ZW10: variants seen among roughly 807,000 people sequenced by gnomAD.
ZW10 encodes centromere/kinetochore protein zw10 homolog.
ZW10 carries 53 observed loss-of-function variants against 87.8 expected under a neutral mutation model. That is an observed-to-expected ratio of 0.60 (90% CI 0.48 to 0.76). ZW10 has a LOEUF of 0.76. ZW10 is among the 30% of genes least tolerant of loss of function. ZW10 has a pLI of 0.00. For missense variants in ZW10, 837 were observed against 923.0 expected (o/e 0.91, Z 1.21); for synonymous variants, 312 against 329.2 (o/e 0.95, Z 0.57).
At chr11:113,773,421 C>A in intron 1 of ZW10, 141 bp downstream of exon 1, 1 of 662,622 alleles carries the variant, frequency 1.5e-6, no homozygotes, top group East Asian at 2.9e-5. Context: ...TCATTCAGCC[C>A]CCACAACTAG....
At chr11:113,773,058 T>C (rs936913029) in intron 1 of ZW10, among the ~76,000 whole-genome samples, 1 of 150,022 alleles carries the variant, frequency 6.7e-6, no homozygotes, top group African/African-American at 2.5e-5. Context: ...AGGAGAAAGG[T>C]GCAATCCTCC....
At chr11:113,757,983 C>A (rs1028561978) in intron 6 of ZW10, 130 bp from the exon 7 acceptor site, 2 of 625,934 alleles carry the variant, frequency 3.2e-6, no homozygotes, top group South Asian at 3.2e-5. Context: ...GCCAGCCTGG[C>A]CAACATGGTG....
chr11:113,760,688 C>T lies in ZW10; in HGVS notation c.343-98G>A, dbSNP rs918339667. 2.3e-5 allele frequency: 26 copies of T among 1,123,622 alleles called. No homozygotes were observed. In the African/African-American group the frequency reaches 4.2e-4, roughly 18 times the overall value. 69.6% of individuals were successfully genotyped at this position (1,123,622 alleles called of 1,614,324 possible). ...CTCCCACTTTCCCTCCCCCTCCCCCCTCTAAAAAAAAAAAAAGAAAGAAAA... is the reference window on the plus strand; with the variant it reads ...CTCCCACTTTCCCTCCCCCTCCCCCTTCTAAAAAAAAAAAAAGAAAGAAAA... On this transcript the variant is annotated intron_variant, in intron 3 of 15. Transcript: ENST00000200135.
At chr11:113,739,486 T>C (rs1021794152) in intron 11 of ZW10, 104 bp from the exon 12 acceptor site, 22 of 1,046,806 alleles carry the variant, frequency 2.1e-5, no homozygotes, top group Middle Eastern at 3.2e-4. Context: ...CTTTAATAAC[T>C]GTCTAGTTTC....
intron 7 of ZW10, among the ~76,000 whole-genome samples, chr11:113,754,454 C>T (rs1026252851): frequency 3.3e-5 from 5 of 152,100 alleles, no homozygotes; most frequent in Admixed American, 6.6e-5. Flanking sequence ...CACTATACTC[C>T]AGCCTGGGCA....
At chr11:113,765,470 G>A (rs753371928) in intron 2 of ZW10, among the ~76,000 whole-genome samples, 7 of 152,150 alleles carry the variant, frequency 4.6e-5, no homozygotes, top group Admixed American at 6.6e-5. Flanking sequence ...GAAAATAGAC[G>A]TGCCCCCTAC....
chr11:113,743,154 C>A (rs996501973), intron 10 of ZW10, among the ~76,000 whole-genome samples: 1 of 152,154 alleles, frequency 6.6e-6, no homozygotes, highest in African/African-American at 2.4e-5. Context: ...AACGTGAATG[C>A]AATATAGATT....
intron 2 of ZW10, among the ~76,000 whole-genome samples, chr11:113,763,784 A>G (rs573218891): frequency 6.6e-6 from 1 of 152,296 alleles, no homozygotes; most frequent in Admixed American, 6.5e-5. Context: ...GGTAGATTGC[A>G]AAAATTTTCT....
At position 113,740,996 on chromosome 11, in the gene ZW10, A is replaced by G. The variant is rs113094002; in HGVS notation, c.1583+698T>C. 8.0e-3 allele frequency among the ~76,000 whole-genome samples: 1,216 copies of G among 152,354 alleles called. 17 individuals are homozygous for G. Among genetic ancestry groups the G allele is most frequent in the African/African-American group, 0.028 (1,173 of 41,574 alleles). On this transcript the variant is annotated intron_variant, in intron 11 of 15. Coordinates refer to ENST00000200135, the MANE Select transcript of ZW10 (RefSeq NM_004724.4). The stretch of plus-strand genomic sequence containing the variant: ...ATAAGAATGTTAAACCACAGTAAAG[A>G]GAATACAAATAAAACTAATAAGGTT...
chr11:113,764,997 G>A (rs985420214), intron 2 of ZW10, among the ~76,000 whole-genome samples: 2 of 152,102 alleles, frequency 1.3e-5, no homozygotes, highest in Admixed American at 1.3e-4. Flanking sequence ...CTCAACCAGG[G>A]ACATCTGGCA....
chr11:113,747,251 A>G (rs1953687924), intron 9 of ZW10, among the ~76,000 whole-genome samples: 1 of 152,180 alleles, frequency 6.6e-6, no homozygotes, highest in Non-Finnish European at 1.5e-5. Context: ...AGAATAATCT[A>G]CTGTCTCACT....
At position 113,773,630 on chromosome 11, in the gene ZW10, C is replaced by G. The variant is rs753860129; in HGVS notation, c.37G>C (p.Gly13Arg). ...SFVTEVLAHSGRLEKEDLGTR... is the reference protein window; with the variant it reads ...SFVTEVLAHSRRLEKEDLGTR... ...CCCAGATCCTCCTTTTCCAGCCTCC[C>G]GGAGTGTGCCAAAACTTCTGTCACG... The change falls in exon 1 of 16, where the codon GGG (glycine) becomes CGG (arginine). Residue 13 changes from glycine to arginine, a missense_variant. Physicochemically the swap from Gly to Arg is moderately radical, Grantham distance 125 (BLOSUM62 -2). Coordinates refer to ENST00000200135, the MANE Select transcript of ZW10 (RefSeq NM_004724.4). 1.2e-6 allele frequency: 2 copies of G among 1,614,032 alleles called. No individual in the cohort carries two copies. The highest frequency in any genetic ancestry group is 2.2e-5 in the South Asian group (2 of 91,068).
chr11:113,743,869 ACTCACT>A lies in ZW10; in HGVS notation c.1438_1443del (p.Glu481_Ser482del). ...GCGAGTTCCATTAATTTCTTCACAGACTCACTGATACGGCATGTGGGCAAGGAAAAG... is the reference window on the plus strand; with the variant it reads ...GCGAGTTCCATTAATTTCTTCACAGAGATACGGCATGTGGGCAAGGAAAAG... On this transcript the variant is annotated inframe_deletion, in exon 10 of 16. Transcript: ENST00000200135. 6.2e-7 allele frequency: 1 copy of A among 1,614,026 alleles called. No individual in the cohort carries two copies. The highest frequency in any genetic ancestry group is 8.5e-7 in the Non-Finnish European group (1 of 1,180,022).
intron 7 of ZW10, chr11:113,751,416 A>C (rs1953733235): frequency 6.5e-6 from 1 of 153,878 alleles, no homozygotes; most frequent in African/African-American, 2.4e-5. Flanking sequence ...CACAGCCTAA[A>C]ATATCAATCT....
At chr11:113,746,321 C>T (rs1318181126) in intron 9 of ZW10, among the ~76,000 whole-genome samples, 3 of 151,982 alleles carry the variant, frequency 2.0e-5, no homozygotes, top group African/African-American at 7.3e-5. Context: ...AGATTAAGCC[C>T]AGAGTCACAG....
At chr11:113,736,011 C>G (rs1053763258) in intron 15 of ZW10, among the ~76,000 whole-genome samples, 1 of 152,034 alleles carries the variant, frequency 6.6e-6, no homozygotes, top group African/African-American at 2.4e-5. Flanking sequence ...TGCCTGTAAT[C>G]CTAGCACTTT....
intron 1 of ZW10, among the ~76,000 whole-genome samples, chr11:113,770,955 G>A (rs1410244756): frequency 1.3e-5 from 2 of 149,734 alleles, no homozygotes. Context: ...CTCAAGTCGG[G>A]GACTTGAGGA....
At chr11:113,756,057 C>T (rs369260554) in intron 7 of ZW10, among the ~76,000 whole-genome samples, 5 of 152,234 alleles carry the variant, frequency 3.3e-5, no homozygotes, top group Admixed American at 3.3e-4. Flanking sequence ...TGGTCTAAAA[C>T]CAAACCCGCA....
Position 113,739,239 on chromosome 11 carries a change from T to G in ZW10, c.1727A>C (p.Asp576Ala). The change falls in exon 12 of 16, where the codon GAT becomes GCT. Residue 576 changes from aspartate to alanine, a missense_variant. By Grantham distance (126) the Asp-to-Ala change is moderately radical (BLOSUM62 -2). Transcript: ENST00000200135. ...AAGTCTCCTGAAGCCAGGTACAAGA[T>G]CCACAAAAGTAGCAGTGCCATCACA... Reference protein sequence around the residue: ...ILCDGTATFVDLVPGFRRLGT... With the variant: ...ILCDGTATFVALVPGFRRLGT... The G allele has an allele frequency of 6.2e-7, 1 of 1,613,926 alleles. No individual in the cohort carries two copies. The highest frequency in any genetic ancestry group is 8.5e-7 in the Non-Finnish European group (1 of 1,179,920).
Sources: allele counts gnomAD v4.1 joint callset (sites outside exome capture counted in the v4.1 genomes callset), GRCh38; gene constraint gnomAD v4.1.1; transcripts MANE v1.5; gene names NCBI Gene and HGNC (gene_info 2026-07-23, HGNC 2026-07-21).